HCN1: variants seen among roughly 807,000 people sequenced by gnomAD.
The protein encoded by HCN1 is hyperpolarization activated cyclic nucleotide gated potassium channel 1.
HCN1 carries 13 observed loss-of-function variants against 78.9 expected under a neutral mutation model. The ratio of observed to expected loss-of-function variants is 0.16; its 90% CI spans 0.11 to 0.26. The LOEUF (loss-of-function observed/expected upper bound fraction) is 0.26, where lower values mean the gene tolerates loss of function less well. Among genes scored for constraint, HCN1 ranks in the 10% least tolerant of loss-of-function variants. The probability of loss-of-function intolerance (pLI) is 1.00; values close to 1 mark genes in which losing one functional copy is unlikely to be tolerated. For synonymous variants in HCN1, 552 were observed against 455.5 expected (o/e 1.21, Z -2.70); for missense variants, 810 against 1,154.3 (o/e 0.70, Z 4.32).
chr5:45,655,294 T>C (rs1745744432), intron 1 of HCN1, among the ~76,000 whole-genome samples: 1 of 152,114 alleles, frequency 6.6e-6, no homozygotes, highest in South Asian at 2.1e-4. Flanking sequence ...TTTAAAGACA[T>C]GGTCTTGTTT....
chr5:45,535,988 C>G (rs1445607208), intron 2 of HCN1, among the ~76,000 whole-genome samples: 1 of 152,058 alleles, frequency 6.6e-6, no homozygotes, highest in Non-Finnish European at 1.5e-5. Flanking sequence ...TTCTGGTTGA[C>G]AGTGTTTTGG....
At chr5:45,523,699 A>G (rs1452127826) in intron 2 of HCN1, among the ~76,000 whole-genome samples, 1 of 151,674 alleles carries the variant, frequency 6.6e-6, no homozygotes, top group Admixed American at 6.6e-5. Flanking sequence ...CCACTTTTTG[A>G]TGGGTTTGTT....
At chr5:45,313,446 A>T (rs909116583) in intron 5 of HCN1, among the ~76,000 whole-genome samples, 12 of 152,222 alleles carry the variant, frequency 7.9e-5, no homozygotes, top group Non-Finnish European at 1.8e-4. Context: ...TAAAAATTCT[A>T]AAAATCAGAG....
In HCN1 at chr5:45,303,799, A is replaced by G; in HGVS notation, c.1418T>C (p.Met473Thr). The G allele has an allele frequency of 6.2e-7, 1 of 1,613,630 alleles. No individual in the cohort carries two copies. Among genetic ancestry groups the G allele is most frequent in the Non-Finnish European group, 8.5e-7 (1 of 1,179,682 alleles). Residue 473 changes from methionine to threonine, a missense_variant, in exon 6 of 8, where the codon ATG becomes ACG. Physicochemically the swap from Met to Thr is moderately conservative, Grantham distance 81 (BLOSUM62 -1). Transcript: ENST00000303230. ...NFNCRKLVAT[M>T]PLFANADPNF... ...AGGATCCGCATTAGCAAATAAAGGC[A>G]TTGTAGCCACCAGTTTCCGACAGTT...
At chr5:45,281,994 T>A (rs1201367863) in intron 6 of HCN1, among the ~76,000 whole-genome samples, 1 of 152,152 alleles carries the variant, frequency 6.6e-6, no homozygotes, top group African/African-American at 2.4e-5. Context: ...TAAATTTTAT[T>A]GACTTTTACA....
At chr5:45,596,700 T>C (rs2111955894) in intron 2 of HCN1, among the ~76,000 whole-genome samples, 1 of 152,336 alleles carries the variant, frequency 6.6e-6, no homozygotes, top group East Asian at 1.9e-4. Context: ...TGTCCATGAA[T>C]CATGAAATTA....
rs1017649175 is a variant in HCN1 at position 45,340,583 on chromosome 5, T to G, written c.1377+12517A>C. On this transcript the variant is annotated intron_variant, in intron 5 of 7. Coordinates refer to ENST00000303230, the MANE Select transcript of HCN1 (RefSeq NM_021072.4). ...CCCTGAGAATCCAATCTGGTTCCAG[T>G]GTCCTGAAATTCTGCTTTTCTTGTG... Among the ~76,000 whole-genome samples the G allele has an allele frequency of 2.0e-5, 3 of 152,202 alleles. No homozygotes were observed. The East Asian group carries it at 5.8e-4, about 29-fold the overall frequency.
chr5:45,286,958 A>C (rs1745281245), intron 6 of HCN1, among the ~76,000 whole-genome samples: 1 of 151,988 alleles, frequency 6.6e-6, no homozygotes, highest in Non-Finnish European at 1.5e-5. Context: ...TTCCCATGTA[A>C]GTAAATTCAG....
chr5:45,584,270 T>C (rs1438897522), intron 2 of HCN1, among the ~76,000 whole-genome samples: 1 of 152,156 alleles, frequency 6.6e-6, no homozygotes, highest in Non-Finnish European at 1.5e-5. Flanking sequence ...ATTGATCCCT[T>C]TACCATTATG....
chr5:45,417,772 A>C (rs1231548534), intron 3 of HCN1, among the ~76,000 whole-genome samples: 1 of 150,074 alleles, frequency 6.7e-6, no homozygotes, highest in Admixed American at 6.7e-5. Context: ...AAAAAAAAAA[A>C]AAAAACAAGG....
At chr5:45,356,852 T>G (rs1747015387) in intron 4 of HCN1, among the ~76,000 whole-genome samples, 1 of 152,026 alleles carries the variant, frequency 6.6e-6, no homozygotes, top group South Asian at 2.1e-4. Flanking sequence ...TCCAAACTCA[T>G]AGTGTTAACA....
chr5:45,438,409 G>A (rs980356343), intron 3 of HCN1, among the ~76,000 whole-genome samples: 2 of 151,834 alleles, frequency 1.3e-5, no homozygotes, highest in African/African-American at 4.8e-5. Context: ...TGGCTAATAC[G>A]GTGAAACCCC....
intron 3 of HCN1, among the ~76,000 whole-genome samples, chr5:45,431,825 T>C (rs1440302433): frequency 1.3e-5 from 2 of 152,200 alleles, no homozygotes; most frequent in Non-Finnish European, 2.9e-5. Context: ...CATACTGTTT[T>C]GGTTACTGTA....
intron 2 of HCN1, among the ~76,000 whole-genome samples, chr5:45,492,727 C>A (rs868322221): frequency 4.6e-5 from 7 of 152,040 alleles, no homozygotes; most frequent in South Asian, 4.2e-4. Context: ...GTCTTGAACT[C>A]CCGGCCTCAG....
intron 2 of HCN1, among the ~76,000 whole-genome samples, chr5:45,596,143 C>A (rs1402301879): frequency 6.6e-6 from 1 of 152,072 alleles, no homozygotes; most frequent in African/African-American, 2.4e-5. Flanking sequence ...TGTGATCCAC[C>A]CGCCTTGGCC....
chr5:45,572,285 A>C (rs1171045799), intron 2 of HCN1, among the ~76,000 whole-genome samples: 1 of 152,196 alleles, frequency 6.6e-6, no homozygotes, highest in African/African-American at 2.4e-5. Context: ...AAATTACAGA[A>C]ATTGCATCAG....
intron 2 of HCN1, among the ~76,000 whole-genome samples, chr5:45,492,137 C>T (rs144176341): frequency 0.01 from 1,550 of 152,094 alleles, 12 homozygotes; most frequent in Middle Eastern, 0.02. Context: ...CCAGCTACTC[C>T]TACATCATGT....
At position 45,582,007 on chromosome 5, in the gene HCN1, C is replaced by G. The variant is rs542766177; in HGVS notation, c.849+63178G>C. ...TAGGATTGACTTGGCAATGCGGGCTCTTTTTTGGTTCCATATGAACTTTAA... is the reference window on the plus strand; with the variant it reads ...TAGGATTGACTTGGCAATGCGGGCTGTTTTTTGGTTCCATATGAACTTTAA... On this transcript the variant is annotated intron_variant, in intron 2 of 7. Transcript: ENST00000303230. Among the ~76,000 whole-genome samples the G allele has an allele frequency of 3.6e-3, 544 of 152,242 alleles. 2 individuals carry two copies. The highest frequency in any genetic ancestry group is 6.2e-3 in the Non-Finnish European group (425 of 68,024).
intron 5 of HCN1, among the ~76,000 whole-genome samples, chr5:45,336,243 A>C (rs1228839891): frequency 6.6e-6 from 1 of 152,058 alleles, no homozygotes; most frequent in Non-Finnish European, 1.5e-5. Flanking sequence ...ACACAGCCAG[A>C]GCGCAACCAG....
Sources: allele counts gnomAD v4.1 joint callset (sites outside exome capture counted in the v4.1 genomes callset), GRCh38; gene constraint gnomAD v4.1.1; transcripts MANE v1.5; gene names NCBI Gene and HGNC (gene_info 2026-07-23, HGNC 2026-07-21).